The following THRB variants were observed in gnomAD, a reference collection of about 807,000 sequenced individuals.
THRB encodes the protein nuclear receptor subfamily 1 group A member 2.
THRB carries 12 observed loss-of-function variants against 47.8 expected under a neutral mutation model. The observed-to-expected ratio is 0.25, with a 90% CI of 0.16 to 0.41. The LOEUF is 0.41. THRB is among the 10% of genes least tolerant of loss of function. THRB has a pLI of 1.00. For synonymous variants in THRB, 218 were observed against 212.2 expected, an observed-to-expected ratio of 1.03 and a Z score of -0.24; for missense variants, 348 against 589.2, an observed-to-expected ratio of 0.59 and a Z score of 4.24.
At chr3:24,135,943 T>C (rs2034616300) in intron 8 of THRB, among the ~76,000 whole-genome samples, 1 of 151,048 alleles carries the variant, frequency 6.6e-6, no homozygotes, top group Admixed American at 6.6e-5. Context: ...GTAATAACAT[T>C]GTTTTGGCCT....
At chr3:24,140,811 G>A (rs1217897968) in intron 8 of THRB, among the ~76,000 whole-genome samples, 1 of 152,210 alleles carries the variant, frequency 6.6e-6, no homozygotes, top group African/African-American at 2.4e-5. Flanking sequence ...ACAGAGATGA[G>A]AAATAATTTG....
At chr3:24,432,934 TG>T in intron 1 of THRB, among the ~76,000 whole-genome samples, 1 of 152,226 alleles carries the variant, frequency 6.6e-6, no homozygotes, top group South Asian at 2.1e-4. Context: ...TTTCCTATAA[TG>T]GTTTATATTT....
At chr3:24,142,678 A>G (rs2035596496) in intron 8 of THRB, among the ~76,000 whole-genome samples, 1 of 152,230 alleles carries the variant, frequency 6.6e-6, no homozygotes, top group Non-Finnish European at 1.5e-5. Context: ...CAGCACTAGT[A>G]GGGCACGTAG....
intron 1 of THRB, among the ~76,000 whole-genome samples, chr3:24,356,542 T>C (rs1446265842): frequency 6.6e-6 from 1 of 152,196 alleles, no homozygotes; most frequent in Non-Finnish European, 1.5e-5. Flanking sequence ...TGGCAGTGTC[T>C]TTGCTAATAT....
chr3:24,446,726 G>C (rs534616070), intron 1 of THRB, among the ~76,000 whole-genome samples: 185 of 152,216 alleles, frequency 1.2e-3, no homozygotes, highest in African/African-American at 4.2e-3. Context: ...AATCTTTGTG[G>C]GGTGCTCTCT....
intron 3 of THRB, among the ~76,000 whole-genome samples, chr3:24,257,052 T>C (rs1404613304): frequency 4.6e-5 from 7 of 152,200 alleles, no homozygotes; most frequent in Non-Finnish European, 1.0e-4. Context: ...TAACTTGTCA[T>C]GTGACCTTAA....
intron 3 of THRB, among the ~76,000 whole-genome samples, chr3:24,283,066 C>T (rs1371059847): frequency 2.0e-5 from 3 of 151,022 alleles, no homozygotes; most frequent in Non-Finnish European, 4.4e-5. Context: ...AGAGGGAATC[C>T]TCCCTAACTC....
chr3:24,204,247 AC>A lies in THRB; in HGVS notation c.23-13914del, dbSNP rs1164757438. Among the ~76,000 whole-genome samples the A allele has an allele frequency of 2.6e-5, 4 of 152,184 alleles. No homozygotes were observed. In the East Asian group the frequency reaches 5.8e-4, roughly 22 times the overall value. ...CCCCTGAGTAGCCTTACTGCGAGGC[AC>A]CCCCCAGTAGGGGCAGACTGACACC... On this transcript the variant is annotated intron_variant, in intron 4 of 10. Coordinates refer to ENST00000646209, the MANE Select transcript of THRB (RefSeq NM_001354712.2).
At chr3:24,283,099 C>A (rs1177024533) in intron 3 of THRB, among the ~76,000 whole-genome samples, 6 of 151,082 alleles carry the variant, frequency 4.0e-5, no homozygotes, top group African/African-American at 1.5e-4. Flanking sequence ...CAGCATCATC[C>A]TGATACCAAA....
chr3:24,315,956 C>T (rs766943309), intron 2 of THRB, among the ~76,000 whole-genome samples: 6 of 152,180 alleles, frequency 3.9e-5, no homozygotes, highest in Admixed American at 2.0e-4. Context: ...CAAATATCTC[C>T]GTATGTTTCT....
intron 1 of THRB, among the ~76,000 whole-genome samples, chr3:24,431,272 A>G (rs1297104594): frequency 6.6e-6 from 1 of 150,418 alleles, no homozygotes; most frequent in African/African-American, 2.4e-5. Context: ...ACACACACAC[A>G]CACACACACA....
At chr3:24,492,753 G>A (rs1698354063) in intron 1 of THRB, among the ~76,000 whole-genome samples, 1 of 152,158 alleles carries the variant, frequency 6.6e-6, no homozygotes, top group Non-Finnish European at 1.5e-5. Context: ...GAAACTGAAA[G>A]GAGATACATG....
At chr3:24,281,931 AAAGC>A (rs1470805434) in intron 3 of THRB, among the ~76,000 whole-genome samples, 5 of 149,730 alleles carry the variant, frequency 3.3e-5, no homozygotes, top group Non-Finnish European at 5.9e-5. Context: ...CCAGATTCAT[AAAGC>A]AAGTCCTGAG....
intron 1 of THRB, among the ~76,000 whole-genome samples, chr3:24,424,261 T>A (rs558786740): frequency 4.6e-5 from 7 of 151,870 alleles, no homozygotes; most frequent in African/African-American, 1.4e-4. Flanking sequence ...AACAGGATTT[T>A]AAAAAAATAC....
At chr3:24,377,608 T>A (rs991573211) in intron 1 of THRB, among the ~76,000 whole-genome samples, 2 of 152,174 alleles carry the variant, frequency 1.3e-5, no homozygotes, top group African/African-American at 4.8e-5. Flanking sequence ...AGTTCTGGAT[T>A]ATTAACAACA....
chr3:24,375,562 C>T (rs2149792247), intron 1 of THRB, among the ~76,000 whole-genome samples: 1 of 146,386 alleles, frequency 6.8e-6, no homozygotes, highest in Non-Finnish European at 1.5e-5. Context: ...ATAAATATTA[C>T]TAATTATATT....
chr3:24,356,408 C>A (rs540650171), intron 1 of THRB, among the ~76,000 whole-genome samples: 1 of 152,182 alleles, frequency 6.6e-6, no homozygotes, highest in African/African-American at 2.4e-5. Context: ...GCTCTTCTCC[C>A]CTTTTCTTAA....
chr3:24,238,481 G>A (rs528765224), intron 3 of THRB, among the ~76,000 whole-genome samples: 2 of 152,170 alleles, frequency 1.3e-5, no homozygotes, highest in South Asian at 4.1e-4. Context: ...CATTAAGACT[G>A]CAGCAAATGA....
chr3:24,374,391 A>G (rs1173734189), intron 1 of THRB, among the ~76,000 whole-genome samples: 1 of 152,142 alleles, frequency 6.6e-6, no homozygotes, highest in Non-Finnish European at 1.5e-5. Flanking sequence ...ATTGTCTATT[A>G]CTGTTATGGT....
Sources: gnomAD v4.1 joint callset for allele counts (sites outside exome capture counted in the v4.1 genomes callset) on GRCh38, gnomAD v4.1.1 for gene constraint, MANE v1.5 for transcripts, NCBI Gene and HGNC (gene_info 2026-07-23, HGNC 2026-07-21) for gene names.